LAD1: variants seen among roughly 807,000 people sequenced by gnomAD.
LAD1 encodes ladinin 1, also known as ladinin-1.
A neutral mutation model predicts 54.2 loss-of-function variants in LAD1; 53 were observed. The observed-to-expected ratio is 0.98, with a 90% CI of 0.78 to 1.23. LAD1 has a LOEUF of 1.23. LAD1 is among the 50% of genes most tolerant of loss of function. LAD1 has a pLI of 0.00. For synonymous variants in LAD1, 231 were observed against 257.7 expected, an observed-to-expected ratio of 0.90 and a Z score of 0.99; for missense variants, 637 against 653.3, an observed-to-expected ratio of 0.98 and a Z score of 0.27.
chr1:201,393,076 G>A (rs1488019195), intron 1 of LAD1, among the ~76,000 whole-genome samples: 1 of 152,168 alleles, frequency 6.6e-6, no homozygotes, highest in African/African-American at 2.4e-5. Context: ...ATAACATGGG[G>A]AAGACCAGGG....
Position 201,386,559 on chromosome 1 carries a change from C to G in LAD1, c.802G>C (p.Ala268Pro), listed in dbSNP as rs779855196. 3.2e-5 allele frequency: 51 copies of G among 1,613,728 alleles called. No individual in the cohort carries two copies. Among genetic ancestry groups the G allele is most frequent in the Non-Finnish European group, 3.7e-5 (44 of 1,179,904 alleles). The change falls in exon 3 of 10, where the codon GCC becomes CCC. Residue 268 changes from alanine to proline, a missense_variant. By Grantham distance (27) the Ala-to-Pro change is conservative. Coordinates refer to ENST00000391967, the MANE Select transcript of LAD1 (RefSeq NM_005558.4). ...TCTGCAGTTGGGCTCTTCTCTGAGG[C>G]CAGTGCCTTCTCAAAGATGGAAGCT... ...EKASIFEKAL[A>P]SEKSPTADAK...
rs377140203 is a variant in LAD1 at position 201,383,613 on chromosome 1, C to G, written c.1176-224G>C. ...GAAACGTCCCATTCAATAGGACATC[C>G]CTTCTCCCCCATACCTTGTCATTTC... is the stretch of plus-strand genomic sequence containing the variant. On this transcript the variant is annotated intron_variant, in intron 5 of 9. Transcript: ENST00000391967. The G allele has an allele frequency of 3.9e-5, 23 of 587,932 alleles. No homozygotes were observed. The East Asian group carries it at 6.2e-4, about 16-fold the overall frequency. 36.4% of individuals were successfully genotyped at this position (587,932 alleles called of 1,614,324 possible).
intron 2 of LAD1, among the ~76,000 whole-genome samples, chr1:201,388,681 C>CAAA (rs35111170): frequency 0.021 from 2,244 of 107,690 alleles, 73 homozygotes; most frequent in African/African-American, 0.077. Context: ...GACTTCGTCT[C>CAAA]AAAAAAAAAA....
Position 201,386,965 on chromosome 1 carries a change from T to C in LAD1, c.396A>G (p.Leu132=). 5 of 1,610,102 alleles carry C rather than the reference T, an allele frequency of 3.1e-6. No homozygotes were observed. The highest frequency in any genetic ancestry group is 4.2e-6 in the Non-Finnish European group (5 of 1,178,758). ...LSPVQATQKP[L]VSKKELEIPP... is the part of the protein sequence containing the mutation. ...GGATTTCCAGTTCCTTCTTGGAGACTAGGGGTTTCTGTGTGGCCTGCACAG... is the reference window on the plus strand; with the variant it reads ...GGATTTCCAGTTCCTTCTTGGAGACCAGGGGTTTCTGTGTGGCCTGCACAG... The change falls in exon 3 of 10, where the codon CTA becomes CTG. Residue 132 remains leucine, a synonymous_variant. Transcript: ENST00000391967.
chr1:201,393,530 G>A (rs917371825), intron 1 of LAD1, among the ~76,000 whole-genome samples: 1 of 152,132 alleles, frequency 6.6e-6, no homozygotes, highest in African/African-American at 2.4e-5. Context: ...TGGATCACCT[G>A]AGGTCAGGAG....
At chr1:201,383,551 G>A (rs1413520391) in intron 5 of LAD1, 162 bp from the exon 6 acceptor site, 7 of 693,734 alleles carry the variant, frequency 1.0e-5, no homozygotes, top group Non-Finnish European at 1.6e-5. Context: ...CCAACATGAG[G>A]AACTTACAGA....
chr1:201,396,169 T>C (rs1485803857), intron 1 of LAD1, among the ~76,000 whole-genome samples: 1 of 152,102 alleles, frequency 6.6e-6, no homozygotes, highest in African/African-American at 2.4e-5. Flanking sequence ...CAGCTGCTCC[T>C]ACTAGCTGAG....
intron 1 of LAD1, among the ~76,000 whole-genome samples, chr1:201,397,564 C>G (rs1662317852): frequency 1.3e-5 from 2 of 152,030 alleles, no homozygotes; most frequent in Admixed American, 1.3e-4. Flanking sequence ...CACACACACC[C>G]CCCCATGCAT....
rs138315936 is a variant in LAD1 at position 201,386,488 on chromosome 1, C to A, written c.873G>T (p.Leu291=). The A allele has an allele frequency of 2.4e-5, 38 of 1,561,592 alleles. No individual in the cohort carries two copies. In the African/African-American group the frequency reaches 4.1e-4, roughly 17 times the overall value. The part of the protein sequence containing the change: ...PKRATASEQP[L]AQEPPASGGS... ...CCCCAGAGGCTGGCGGCTCCTGCGCCAGGGGCTGCTCTGAGGCTGTGGCCC... is the reference window on the plus strand; with the variant it reads ...CCCCAGAGGCTGGCGGCTCCTGCGCAAGGGGCTGCTCTGAGGCTGTGGCCC... Residue 291 remains leucine (L), a synonymous_variant, in exon 3 of 10, where the codon CTG becomes CTT. Coordinates refer to ENST00000391967, the MANE Select transcript of LAD1 (RefSeq NM_005558.4).
chr1:201,389,045 C>T, intron 2 of LAD1, 115 bp downstream of exon 2: 1 of 1,238,590 alleles, frequency 8.1e-7, no homozygotes. Flanking sequence ...TTCATCATCA[C>T]ACCCTTCAGC....
Position 201,385,790 on chromosome 1 carries a change from T to C in LAD1, c.1042A>G (p.Lys348Glu), listed in dbSNP as rs979148706. The C allele has an allele frequency of 2.7e-5, 43 of 1,613,848 alleles. No individual in the cohort carries two copies. The highest frequency in any genetic ancestry group is 3.6e-5 in the Non-Finnish European group (42 of 1,179,858). Reference protein sequence around the residue: ...PVTLQVKIPSKEEEADMSSPT... With the variant: ...PVTLQVKIPSEEEEADMSSPT... Reference sequence around the variant, plus strand: ...GAGGACATATCTGCCTCTTCCTCCTTGCTGGGGATTTTCACCTGGATGGAG... The same window carrying C: ...GAGGACATATCTGCCTCTTCCTCCTCGCTGGGGATTTTCACCTGGATGGAG... The change falls in exon 4 of 10, where the codon AAG (lysine) becomes GAG (glutamate). Residue 348 changes from lysine (K) to glutamate (E), a missense_variant. By Grantham distance (56) the Lys-to-Glu change is moderately conservative. Transcript: ENST00000391967.
chr1:201,394,371 C>A (rs1662250555), intron 1 of LAD1, among the ~76,000 whole-genome samples: 1 of 152,204 alleles, frequency 6.6e-6, no homozygotes, highest in African/African-American at 2.4e-5. Flanking sequence ...GAGAACCTTC[C>A]AGACCCTCCC....
chr1:201,385,593 A>C (rs1662057702), intron 4 of LAD1, 108 bp downstream of exon 4: 1 of 829,960 alleles, frequency 1.2e-6, no homozygotes, highest in Non-Finnish European at 2.1e-6. Flanking sequence ...GCTCCTCTCT[A>C]TCCAGGGGAC....
At chr1:201,395,073 A>G (rs1260353593) in intron 1 of LAD1, among the ~76,000 whole-genome samples, 1 of 152,104 alleles carries the variant, frequency 6.6e-6, no homozygotes, top group East Asian at 1.9e-4. Context: ...GCTTTATACT[A>G]AGACCCCATA....
chr1:201,382,610 A>C (rs1236354389), intron 8 of LAD1, 43 bp downstream of exon 8: 2 of 1,494,306 alleles, frequency 1.3e-6, no homozygotes, highest in South Asian at 2.4e-5. Flanking sequence ...TCATCCCACC[A>C]CAAAGGCTCC....
chr1:201,389,647 A>G (rs1294883613), intron 1 of LAD1, among the ~76,000 whole-genome samples: 1 of 148,200 alleles, frequency 6.7e-6, no homozygotes, highest in Non-Finnish European at 1.5e-5. Context: ...CTCCATCTCT[A>G]CAAAAATACA....
chr1:201,388,681 CAAAAA>C (rs35111170), intron 2 of LAD1, among the ~76,000 whole-genome samples: 2 of 107,782 alleles, frequency 1.9e-5, no homozygotes, highest in Admixed American at 1.0e-4. Flanking sequence ...GACTTCGTCT[CAAAAA>C]AAAAAAAAAA....
chr1:201,384,896 G>A (rs1258585497), intron 4 of LAD1, 61 bp from the exon 5 acceptor site: 14 of 1,529,334 alleles, frequency 9.2e-6, no homozygotes, highest in East Asian at 2.2e-5. Flanking sequence ...TGGCCCCCTC[G>A]AGTGAGGAGC....
At chr1:201,389,329 C>T in intron 1 of LAD1, 26 bp from the exon 2 acceptor site, 1 of 1,603,706 alleles carries the variant, frequency 6.2e-7, no homozygotes, top group Non-Finnish European at 8.5e-7. Context: ...AGAGGGTCAG[C>T]ACAGCTGGGG....
Sources: gnomAD v4.1 joint callset for allele counts (sites outside exome capture counted in the v4.1 genomes callset) on GRCh38, gnomAD v4.1.1 for gene constraint, MANE v1.5 for transcripts, NCBI Gene and HGNC (gene_info 2026-07-23, HGNC 2026-07-21) for gene names.